TRMT11: variants seen among roughly 807,000 people sequenced by gnomAD.
TRMT11 encodes tRNA (guanine(10)-N(2))-methyltransferase TRMT11.
Under a neutral mutation model 62.8 loss-of-function variants are expected in TRMT11, and 53 were observed. That is an observed-to-expected ratio of 0.84 (90% CI 0.68 to 1.06). The LOEUF is 1.06. Among genes scored for constraint, TRMT11 ranks in the 50% least tolerant of loss-of-function variants. TRMT11 has a pLI of 0.00. For synonymous variants in TRMT11, 188 were observed against 190.3 expected, an observed-to-expected ratio of 0.99 and a Z score of 0.10; for missense variants, 556 against 553.4, an observed-to-expected ratio of 1.00 and a Z score of -0.05.
chr6:126,176,935 A>G (rs1778393033), upstream of TRMT11, among the ~76,000 whole-genome samples: 1 of 152,134 alleles, frequency 6.6e-6, no homozygotes, highest in Non-Finnish European at 1.5e-5. Flanking sequence ...TCACTCATCC[A>G]GGTTAAATGC....
chr6:126,269,207 T>C, the TRMT11 span, among the ~76,000 whole-genome samples: 1 of 132,098 alleles, frequency 7.6e-6, no homozygotes, highest in Admixed American at 8.8e-5. Flanking sequence ...GAGCTTGCAG[T>C]GAGCCGAGAT....
In TRMT11 at chr6:126,151,854, CTT is replaced by C. The variant is rs1451517385; in HGVS notation, c.*1824-22969_*1824-22968del. Among the ~76,000 whole-genome samples, 94 of 125,572 alleles carry C rather than the reference CTT, an allele frequency of 7.5e-4. 1 individual carries two copies. Among genetic ancestry groups the C allele is most frequent in the South Asian group, 2.0e-3 (8 of 3,922 alleles). 82.4% of individuals were successfully genotyped at this position (125,572 alleles called of 152,430 possible). On this transcript the variant is annotated intron_variant and NMD_transcript_variant, in intron 21 of 22. Transcript: ENST00000648977. ...TCTTTCTTTCTTTCTTTCTTTCTTT[CTT>C]TCTTTCTTTCCTTCTTTCTCCTTCC...
intron 17 of TRMT11, among the ~76,000 whole-genome samples, chr6:126,094,645 G>T (rs190635512): frequency 1.3e-4 from 20 of 152,298 alleles, no homozygotes; most frequent in African/African-American, 7.2e-5. Context: ...CAAGGATTTC[G>T]TCTAGGCCTG....
intron 21 of TRMT11, among the ~76,000 whole-genome samples, chr6:126,117,660 C>T (rs1777605853): frequency 6.6e-6 from 1 of 152,032 alleles, no homozygotes; most frequent in Non-Finnish European, 1.5e-5. Flanking sequence ...CAGATCCATC[C>T]ACTAACTTAA....
At chr6:126,253,860 C>G in the TRMT11 span, among the ~76,000 whole-genome samples, 4 of 152,170 alleles carry the variant, frequency 2.6e-5, no homozygotes. Flanking sequence ...AGGTCTCTTC[C>G]TAGCAGACCT....
intron 21 of TRMT11, among the ~76,000 whole-genome samples, chr6:126,143,003 T>C (rs1020110564): frequency 6.6e-6 from 1 of 152,126 alleles, no homozygotes; most frequent in African/African-American, 2.4e-5. Context: ...AGCCATTTCC[T>C]TTAAAAGAAA....
chr6:126,258,379 A>G, the TRMT11 span: 2 of 348,968 alleles, frequency 5.7e-6, no homozygotes, highest in Non-Finnish European at 1.1e-5. Flanking sequence ...CAGTCCCCTC[A>G]CTGTGTCTGG....
At chr6:126,021,093 C>T (rs780289408) in intron 11 of TRMT11, 67 bp from the exon 12 acceptor site, 22 of 1,589,756 alleles carry the variant, frequency 1.4e-5, no homozygotes, top group South Asian at 2.2e-5. Flanking sequence ...CTACACTGGA[C>T]GATCCCCATG....
intron 17 of TRMT11, among the ~76,000 whole-genome samples, chr6:126,070,620 C>T (rs1376015403): frequency 2.6e-5 from 4 of 152,158 alleles, no homozygotes; most frequent in African/African-American, 4.8e-5. Context: ...ATCAAAAAGT[C>T]ACAGACCTAC....
intron 1 of TRMT11, among the ~76,000 whole-genome samples, chr6:125,987,855 C>A (rs1424594688): frequency 1.3e-5 from 2 of 152,182 alleles, no homozygotes; most frequent in Non-Finnish European, 2.9e-5. Context: ...GGTTGTGTAA[C>A]ATCAACCTGA....
chr6:126,172,122 A>G (rs1778336500), intron 21 of TRMT11, among the ~76,000 whole-genome samples: 1 of 152,150 alleles, frequency 6.6e-6, no homozygotes. Context: ...CTTGATCAAA[A>G]TTTAAAAAAA....
intron 1 of TRMT11, among the ~76,000 whole-genome samples, chr6:125,988,103 G>A (rs924311872): frequency 2.0e-5 from 3 of 152,192 alleles, no homozygotes; most frequent in Non-Finnish European, 2.9e-5. Flanking sequence ...ATGTGAGACC[G>A]CAGAAATCAG....
intron 8 of TRMT11, among the ~76,000 whole-genome samples, chr6:126,010,030 AC>A (rs1006043342): frequency 8.6e-5 from 13 of 151,244 alleles, no homozygotes; most frequent in African/African-American, 3.2e-4. Flanking sequence ...AAAGTACAAA[AC>A]TTTTTTTTTT....
chr6:126,125,027 T>A (rs1777699282), intron 21 of TRMT11, among the ~76,000 whole-genome samples: 1 of 152,090 alleles, frequency 6.6e-6, no homozygotes, highest in Admixed American at 6.6e-5. Context: ...TATTAATCTT[T>A]AATTAATCTG....
chr6:126,066,800 G>C (rs1032981304), intron 17 of TRMT11, among the ~76,000 whole-genome samples: 1 of 152,088 alleles, frequency 6.6e-6, no homozygotes, highest in Admixed American at 6.6e-5. Flanking sequence ...GATGAGGCTT[G>C]GGGGGTGCCA....
At chr6:126,267,756 T>A in the TRMT11 span, among the ~76,000 whole-genome samples, 130 of 152,286 alleles carry the variant, frequency 8.5e-4, 1 homozygote, top group East Asian at 0.013. Context: ...TATTTCAAGG[T>A]GCTTTGCTAT....
intron 17 of TRMT11, among the ~76,000 whole-genome samples, chr6:126,091,159 G>A (rs941146774): frequency 2.1e-4 from 31 of 150,438 alleles, no homozygotes; most frequent in Admixed American, 1.3e-3. Flanking sequence ...AGCCGAGATC[G>A]CGCCACTGCA....
chr6:126,023,991 G>C (rs1249206801), intron 12 of TRMT11, among the ~76,000 whole-genome samples: 1 of 152,198 alleles, frequency 6.6e-6, no homozygotes, highest in East Asian at 1.9e-4. Flanking sequence ...ATTGGAAATG[G>C]CTTTGAAAAA....
At chr6:126,068,180 G>C (rs1776744787) in intron 17 of TRMT11, among the ~76,000 whole-genome samples, 1 of 151,866 alleles carries the variant, frequency 6.6e-6, no homozygotes, top group South Asian at 2.1e-4. Context: ...TTTCATAAGA[G>C]TTTTTAAAAA....
Sources: gnomAD v4.1 joint callset for allele counts (sites outside exome capture counted in the v4.1 genomes callset) on GRCh38, gnomAD v4.1.1 for gene constraint, MANE v1.5 for transcripts, NCBI Gene and HGNC (gene_info 2026-07-23, HGNC 2026-07-21) for gene names.